GTF2I: variants seen among roughly 807,000 people sequenced by gnomAD.
GTF2I encodes the protein general transcription factor II-I.
In GTF2I, 12 loss-of-function variants were observed where a neutral mutation model predicts 67.6. That is an observed-to-expected ratio of 0.18 (90% CI 0.11 to 0.29). The LOEUF (loss-of-function observed/expected upper bound fraction) is 0.29, where lower values mean the gene tolerates loss of function less well. Among genes scored for constraint, GTF2I ranks in the 10% least tolerant of loss-of-function variants. The probability of loss-of-function intolerance (pLI) is 1.00; values close to 1 mark genes in which losing one functional copy is unlikely to be tolerated. For missense variants in GTF2I, 271 were observed against 580.1 expected (o/e 0.47, Z 5.47); for synonymous variants, 149 against 197.0 (o/e 0.76, Z 2.04).
intron 1 of GTF2I, among the ~76,000 whole-genome samples, chr7:74,681,356 A>G (rs1787251430): frequency 6.6e-6 from 1 of 152,028 alleles, no homozygotes; most frequent in African/African-American, 2.4e-5. Flanking sequence ...AATTGCTTGA[A>G]CCTGGGAGGC....
At chr7:74,717,737 AT>A (rs1792430006) in intron 11 of GTF2I, among the ~76,000 whole-genome samples, 1 of 152,048 alleles carries the variant, frequency 6.6e-6, no homozygotes, top group South Asian at 2.1e-4. Context: ...TTTTATTTTA[AT>A]TAAAAAAAAA....
At chr7:74,698,026 G>A (rs889144642) in intron 3 of GTF2I, among the ~76,000 whole-genome samples, 6 of 152,190 alleles carry the variant, frequency 3.9e-5, no homozygotes, top group South Asian at 2.1e-4. Context: ...CGCAATTTCC[G>A]CTCGCTGCAA....
intron 7 of GTF2I, among the ~76,000 whole-genome samples, chr7:74,705,548 T>C (rs1554401105): frequency 8.9e-6 from 1 of 112,106 alleles, no homozygotes; most frequent in Non-Finnish European, 1.7e-5. Context: ...GTTCAGTTGG[T>C]AACTCTTTTT....
chr7:74,659,636 C>G (rs782372974), intron 1 of GTF2I, among the ~76,000 whole-genome samples: 4 of 152,028 alleles, frequency 2.6e-5, no homozygotes, highest in Non-Finnish European at 5.9e-5. Context: ...TGAAAGCAAT[C>G]GGCCCGCCTC....
At chr7:74,709,682 T>C (rs1791260833) in intron 8 of GTF2I, among the ~76,000 whole-genome samples, 1 of 152,146 alleles carries the variant, frequency 6.6e-6, no homozygotes, top group Non-Finnish European at 1.5e-5. Flanking sequence ...TTCTTTATTT[T>C]TTTTTTTTGA....
intron 1 of GTF2I, among the ~76,000 whole-genome samples, chr7:74,677,792 A>AAAAAAAAAG (rs1806037781): frequency 6.6e-6 from 1 of 150,778 alleles, no homozygotes; most frequent in Non-Finnish European, 1.5e-5. Context: ...AAAAAAAAAA[A>AAAAAAAAAG]AAAAGTAAAT....
At chr7:74,750,441 TAAAA>T (rs1175648818) in intron 26 of GTF2I, among the ~76,000 whole-genome samples, 1 of 86,214 alleles carries the variant, frequency 1.2e-5, no homozygotes, top group Non-Finnish European at 2.4e-5. Flanking sequence ...CAAAAAAAAT[TAAAA>T]AAAGAAATAA....
chr7:74,657,960 C>T lies in GTF2I; in HGVS notation c.-114C>T, dbSNP rs1294963717. The T allele has an allele frequency of 2.0e-5, 3 of 151,870 alleles. No individual in the cohort carries two copies. Among genetic ancestry groups the T allele is most frequent in the Admixed American group, 6.6e-5 (1 of 15,230 alleles). The allele number at this position is 151,870 out of a possible 1,614,324, so 9.4% of individuals were successfully genotyped here. A position where few individuals can be genotyped will look rare whatever the true frequency, so the allele number is the denominator to read the frequency against. On this transcript the variant is annotated 5_prime_UTR_variant, in exon 1 of 35. Transcript: ENST00000573035. ...CTCTCGCCTCCCGTCCGCTCGCCAG[C>T]TCCCCTCAGCCGAGGCTGCTCCGCG...
intron 9 of GTF2I, 139 bp downstream of exon 9, chr7:74,711,248 C>G (rs988322434): frequency 3.0e-5 from 14 of 463,898 alleles, no homozygotes; most frequent in African/African-American, 2.5e-4. Flanking sequence ...AATTCAGTCC[C>G]GGGGATAAAA....
chr7:74,700,566 G>A (rs782021824), intron 5 of GTF2I, 40 bp from the exon 6 acceptor site: 59 of 1,610,160 alleles, frequency 3.7e-5, no homozygotes, highest in African/African-American at 1.2e-4. Flanking sequence ...ATAATTTTGC[G>A]TATTCATACG....
intron 8 of GTF2I, among the ~76,000 whole-genome samples, chr7:74,709,618 A>G (rs933850697): frequency 6.6e-6 from 1 of 151,966 alleles, no homozygotes; most frequent in African/African-American, 2.4e-5. Flanking sequence ...GAAGGGTCTG[A>G]ATCCCCAGTG....
intron 1 of GTF2I, among the ~76,000 whole-genome samples, chr7:74,664,472 C>T (rs1387262771): frequency 4.6e-5 from 7 of 152,104 alleles, no homozygotes; most frequent in Admixed American, 1.3e-4. Context: ...CTCCCTCTGT[C>T]GCACAGGCTA....
chr7:74,706,045 C>T (rs587613744), intron 7 of GTF2I, among the ~76,000 whole-genome samples: 33 of 151,124 alleles, frequency 2.2e-4, no homozygotes, highest in Admixed American at 9.2e-4. Flanking sequence ...CTCCACCTCC[C>T]GGATTCAAGT....
chr7:74,731,841 G>A lies in GTF2I; in HGVS notation c.1121-638G>A, dbSNP rs587644476. Among the ~76,000 whole-genome samples the A allele has an allele frequency of 2.8e-4, 42 of 151,044 alleles. No individual in the cohort carries two copies. In the South Asian group the frequency reaches 5.8e-3, roughly 21 times the overall value. On this transcript the variant is annotated intron_variant, in intron 14 of 34. Coordinates refer to ENST00000573035, the MANE Select transcript of GTF2I (RefSeq NM_032999.4). ...ATTACAGGCGTGAGCCGCTGCGCCCGGCCTCATGTTTTCTATTGGTTCATT... is the reference window on the plus strand; with the variant it reads ...ATTACAGGCGTGAGCCGCTGCGCCCAGCCTCATGTTTTCTATTGGTTCATT...
chr7:74,723,130 T>TG (rs1414854696), intron 12 of GTF2I, among the ~76,000 whole-genome samples: 96 of 149,008 alleles, frequency 6.4e-4, no homozygotes, highest in Non-Finnish European at 1.1e-3. Context: ...AGAGTTTTTT[T>TG]TTTTTTTTTT....
intron 1 of GTF2I, among the ~76,000 whole-genome samples, chr7:74,670,269 T>C (rs1805336512): frequency 6.6e-6 from 1 of 152,230 alleles, no homozygotes; most frequent in Non-Finnish European, 1.5e-5. Context: ...CTAGTAAATT[T>C]GGGATTAAAG....
At chr7:74,719,596 T>C (rs891041966) in intron 12 of GTF2I, among the ~76,000 whole-genome samples, 6 of 152,332 alleles carry the variant, frequency 3.9e-5, no homozygotes, top group Non-Finnish European at 7.3e-5. Flanking sequence ...TTAATAGTTA[T>C]TAAATGAGCA....
chr7:74,678,935 C>T (rs999747900), intron 1 of GTF2I, among the ~76,000 whole-genome samples: 3 of 150,858 alleles, frequency 2.0e-5, no homozygotes, highest in East Asian at 3.9e-4. Context: ...CCATGCCTGG[C>T]TAATTTTTGT....
At chr7:74,737,503 TCTCGAGG>T (rs1794902896) in intron 18 of GTF2I, among the ~76,000 whole-genome samples, 3 of 138,440 alleles carry the variant, frequency 2.2e-5, no homozygotes, top group Non-Finnish European at 4.8e-5. Flanking sequence ...CACGAAGTGG[TCTCGAGG>T]CAGATGCCTC....
Sources: allele counts gnomAD v4.1 joint callset (sites outside exome capture counted in the v4.1 genomes callset), GRCh38; gene constraint gnomAD v4.1.1; transcripts MANE v1.5; gene names NCBI Gene and HGNC (gene_info 2026-07-23, HGNC 2026-07-21).